The following PRLR variants were observed in gnomAD, a reference collection of about 807,000 sequenced individuals.
PRLR encodes the protein hPRL receptor.
PRLR carries 13 observed loss-of-function variants against 40.2 expected under a neutral mutation model. The observed-to-expected ratio is 0.32, with a 90% CI of 0.21 to 0.51. PRLR has a LOEUF of 0.51. Among genes scored for constraint, PRLR ranks in the 20% least tolerant of loss-of-function variants. The pLI, the probability that PRLR is intolerant of heterozygous loss-of-function variation, is 0.97. For synonymous variants in PRLR, 269 were observed against 278.7 expected, an observed-to-expected ratio of 0.97 and a Z score of 0.35; for missense variants, 656 against 747.3, an observed-to-expected ratio of 0.88 and a Z score of 1.42.
At position 35,063,612 on chromosome 5, in the gene PRLR, T is replaced by C. The variant is rs1488382069; in HGVS notation, c.*1477A>G. On this transcript the variant is annotated 3_prime_UTR_variant, in exon 10 of 10. Coordinates refer to ENST00000618457, the MANE Select transcript of PRLR (RefSeq NM_000949.7). ...TTTCCCAGAACTTTTATTTGGACAC[T>C]TCTGATATGAGCCATTTCTGCCTCT... is the stretch of plus-strand genomic sequence containing the variant. 6.6e-6 allele frequency: 1 copy of C among 152,210 alleles called. No individual in the cohort carries two copies. Among genetic ancestry groups the C allele is most frequent in the East Asian group, 1.9e-4 (1 of 5,200 alleles). The allele number at this position is 152,210 out of a possible 1,614,324, so 9.4% of individuals were successfully genotyped here.
At chr5:35,077,646 G>A (rs1770204140) in intron 5 of PRLR, among the ~76,000 whole-genome samples, 1 of 152,196 alleles carries the variant, frequency 6.6e-6, no homozygotes, top group East Asian at 1.9e-4. Context: ...ACAGATCGAC[G>A]ACACAGAAAG....
At chr5:35,187,233 T>A (rs1316008060) in intron 1 of PRLR, among the ~76,000 whole-genome samples, 7 of 152,004 alleles carry the variant, frequency 4.6e-5, no homozygotes, top group Non-Finnish European at 1.0e-4. Context: ...AAACCCCATC[T>A]TTACTAAAAA....
intron 2 of PRLR, among the ~76,000 whole-genome samples, chr5:35,100,901 T>C (rs1298978444): frequency 1.3e-5 from 2 of 152,188 alleles, no homozygotes; most frequent in Non-Finnish European, 2.9e-5. Flanking sequence ...CAGCAAACTG[T>C]CACATGGGTG....
chr5:35,167,379 G>C (rs964148101), intron 1 of PRLR, among the ~76,000 whole-genome samples: 1 of 151,990 alleles, frequency 6.6e-6, no homozygotes, highest in Non-Finnish European at 1.5e-5. Context: ...ACTGGGCTAG[G>C]GGCTGCCAAT....
intron 1 of PRLR, among the ~76,000 whole-genome samples, chr5:35,161,426 GAGGCCT>G (rs1409153696): frequency 6.6e-6 from 1 of 152,210 alleles, no homozygotes; most frequent in African/African-American, 2.4e-5. Context: ...TACTAGGAAA[GAGGCCT>G]AGGCAGGATC....
At chr5:35,179,902 A>G (rs1366021055) in intron 1 of PRLR, among the ~76,000 whole-genome samples, 3 of 152,172 alleles carry the variant, frequency 2.0e-5, no homozygotes, top group Non-Finnish European at 2.9e-5. Context: ...ATTCAAGCAC[A>G]TTACATTTAT....
chr5:35,178,735 T>C (rs4288096), intron 1 of PRLR, among the ~76,000 whole-genome samples: 1 of 152,154 alleles, frequency 6.6e-6, no homozygotes, highest in Non-Finnish European at 1.5e-5. Flanking sequence ...TTTTTAGAAA[T>C]ACCATATTTT....
intron 1 of PRLR, among the ~76,000 whole-genome samples, chr5:35,160,247 T>G (rs1373567024): frequency 1.7e-5 from 2 of 114,606 alleles, no homozygotes; most frequent in Non-Finnish European, 3.7e-5. Flanking sequence ...ATTTCAGTGT[T>G]AATTCATAAA....
chr5:35,208,882 T>G (rs1776093018), intron 1 of PRLR, among the ~76,000 whole-genome samples: 1 of 152,050 alleles, frequency 6.6e-6, no homozygotes, highest in Admixed American at 6.6e-5. Flanking sequence ...ATGAAAAAAT[T>G]AATTATACCT....
chr5:35,178,229 G>A (rs576058400), intron 1 of PRLR, among the ~76,000 whole-genome samples: 124 of 152,146 alleles, frequency 8.2e-4, no homozygotes, highest in Non-Finnish European at 1.4e-3. Flanking sequence ...TGCAAACTAG[G>A]CCTTCAGGAA....
intron 5 of PRLR, among the ~76,000 whole-genome samples, chr5:35,076,289 A>G (rs1466145133): frequency 6.6e-6 from 1 of 152,212 alleles, no homozygotes; most frequent in Non-Finnish European, 1.5e-5. Context: ...AAGAAGCTAA[A>G]AACCTCAAAA....
intron 3 of PRLR, 130 bp from the exon 4 acceptor site, chr5:35,086,470 G>A: frequency 8.9e-7 from 1 of 1,126,566 alleles, no homozygotes; most frequent in Non-Finnish European, 1.3e-6. Context: ...GACCTAGGGT[G>A]GATGCTCAGG....
downstream of PRLR, among the ~76,000 whole-genome samples, chr5:35,055,506 G>A (rs540224745): frequency 6.6e-6 from 1 of 152,038 alleles, no homozygotes; most frequent in Non-Finnish European, 1.5e-5. Flanking sequence ...AATGCCATGG[G>A]TGAGTGTCCT....
At chr5:35,156,607 G>T (rs7732593) in intron 1 of PRLR, among the ~76,000 whole-genome samples, 20,057 of 152,098 alleles carry the variant, frequency 0.13, 3,179 homozygotes, top group African/African-American at 0.38. Context: ...GCTCCTGAAT[G>T]TACCGGGCAG....
rs114347842 is a variant in PRLR, at chr5:35,069,787, C to T, written c.685+337G>A. 1.5e-3 allele frequency among the ~76,000 whole-genome samples: 234 copies of T among 152,256 alleles called. 1 individual carries two copies. The highest frequency in any genetic ancestry group is 5.5e-3 in the African/African-American group (227 of 41,528). On this transcript the variant is annotated intron_variant, in intron 7 of 9. Coordinates refer to ENST00000618457, the MANE Select transcript of PRLR (RefSeq NM_000949.7). ...ACTGAGCCTTTGAGACACGGTACTG[C>T]CTTATAAATTCTGGAAGAACTAGAG...
intron 1 of PRLR, among the ~76,000 whole-genome samples, chr5:35,147,157 T>C (rs943336724): frequency 6.6e-6 from 1 of 152,336 alleles, no homozygotes; most frequent in African/African-American, 2.4e-5. Flanking sequence ...TAATAATTTC[T>C]TAAATATCAA....
chr5:35,208,964 C>T (rs1017991458), intron 1 of PRLR, among the ~76,000 whole-genome samples: 6 of 151,968 alleles, frequency 3.9e-5, no homozygotes, highest in African/African-American at 7.2e-5. Flanking sequence ...ATCCATATGA[C>T]GGAATGTTAT....
chr5:35,192,796 G>A lies in PRLR; in HGVS notation c.-106+37472C>T, dbSNP rs371463263. ...CTTTCACATAGAAAGTTTTGGATAC[G>A]GAAAGCTTAATGGTAGGAATTCTGC... On this transcript the variant is annotated intron_variant, in intron 1 of 9. Coordinates refer to ENST00000618457, the MANE Select transcript of PRLR (RefSeq NM_000949.7). Among the ~76,000 whole-genome samples the A allele has an allele frequency of 2.8e-4, 43 of 152,308 alleles. 2 individuals are homozygous for A. The highest frequency in any genetic ancestry group is 9.4e-4 in the African/African-American group (39 of 41,570).
At chr5:35,078,736 C>A (rs1221292863) in intron 5 of PRLR, among the ~76,000 whole-genome samples, 1 of 152,200 alleles carries the variant, frequency 6.6e-6, no homozygotes, top group Non-Finnish European at 1.5e-5. Flanking sequence ...GATACCAAAG[C>A]CTGGCAGAGA....
Sources: gnomAD v4.1 joint callset for allele counts (sites outside exome capture counted in the v4.1 genomes callset) on GRCh38, gnomAD v4.1.1 for gene constraint, MANE v1.5 for transcripts, NCBI Gene and HGNC (gene_info 2026-07-23, HGNC 2026-07-21) for gene names.